The following OXR1 variants were observed in gnomAD, a reference collection of about 807,000 sequenced individuals.
The protein encoded by OXR1 is oxidation resistance 1, also known as oxidation resistance protein 1.
Under a neutral mutation model 104.6 loss-of-function variants are expected in OXR1, and 41 were observed. That is an observed-to-expected ratio of 0.39 (90% CI 0.31 to 0.51). The LOEUF is 0.51. OXR1 is among the 20% of genes least tolerant of loss of function. The probability of loss-of-function intolerance (pLI) is 0.77; values close to 1 mark genes in which losing one functional copy is unlikely to be tolerated. For synonymous variants in OXR1, 348 were observed against 348.4 expected (o/e 1.00, Z 0.01); for missense variants, 955 against 1,031.9 (o/e 0.93, Z 1.02).
rs913587870 is a variant in OXR1, at chr8:106,413,723, A to AC, written c.23+54088dup. ...TTAATATATAGCTAATGCTGTATCT[A>AC]CTTTTTTTTTTTTTTTTTGAGACAA... is the stretch of plus-strand genomic sequence containing the variant. On this transcript the variant is annotated intron_variant, in intron 2 of 16. Coordinates refer to ENST00000517566, the MANE Select transcript of OXR1 (RefSeq NM_001198533.2). 6.9e-4 allele frequency among the ~76,000 whole-genome samples: 101 copies of AC among 145,674 alleles called. No homozygotes were observed. In the East Asian group the frequency reaches 0.012, roughly 17 times the overall value.
intron 11 of OXR1, among the ~76,000 whole-genome samples, chr8:106,734,832 C>T (rs1834224300): frequency 6.6e-6 from 1 of 152,146 alleles, no homozygotes; most frequent in Non-Finnish European, 1.5e-5. Context: ...GAGTATAGGT[C>T]ATGGTACTTA....
At chr8:106,747,880 G>A (rs1332034303) in intron 16 of OXR1, among the ~76,000 whole-genome samples, 2 of 152,154 alleles carry the variant, frequency 1.3e-5, no homozygotes, top group African/African-American at 2.4e-5. Flanking sequence ...CATGAATCTT[G>A]AAGGTCAATT....
At chr8:106,660,597 T>G (rs935421293) in intron 3 of OXR1, among the ~76,000 whole-genome samples, 53 of 152,210 alleles carry the variant, frequency 3.5e-4, no homozygotes, top group African/African-American at 1.3e-3. Context: ...TTTCTGTTCC[T>G]TCTCACAACC....
At chr8:106,576,481 A>AAG (rs1554596956) in intron 3 of OXR1, among the ~76,000 whole-genome samples, 6 of 149,652 alleles carry the variant, frequency 4.0e-5, no homozygotes, top group African/African-American at 7.4e-5. Context: ...AAAAAAAAAA[A>AAG]AAAAGAAAAC....
chr8:106,324,679 C>T (rs1814389066), intron 1 of OXR1, among the ~76,000 whole-genome samples: 1 of 152,014 alleles, frequency 6.6e-6, no homozygotes, highest in Non-Finnish European at 1.5e-5. Context: ...CCACCCACTG[C>T]TGCGGATGCT....
intron 1 of OXR1, among the ~76,000 whole-genome samples, chr8:106,353,906 T>G (rs1815848826): frequency 6.6e-6 from 1 of 152,172 alleles, no homozygotes; most frequent in Non-Finnish European, 1.5e-5. Context: ...ACCTCCAGCC[T>G]GCCGCCCCTA....
intron 2 of OXR1, among the ~76,000 whole-genome samples, chr8:106,500,061 A>G (rs1463700379): frequency 6.6e-6 from 1 of 152,224 alleles, no homozygotes; most frequent in Non-Finnish European, 1.5e-5. Flanking sequence ...TGCTGTATGG[A>G]TTTTTGTGCT....
At chr8:106,694,487 GAT>G (rs199934743) in intron 7 of OXR1, among the ~76,000 whole-genome samples, 1 of 123,478 alleles carries the variant, frequency 8.1e-6, no homozygotes, top group East Asian at 2.4e-4. Flanking sequence ...ATATATATTT[GAT>G]ATATAAATAT....
chr8:106,712,793 G>A (rs1194731106), intron 10 of OXR1, among the ~76,000 whole-genome samples: 1 of 151,926 alleles, frequency 6.6e-6, no homozygotes, highest in Non-Finnish European at 1.5e-5. Context: ...ATATTCAAAC[G>A]TTCCAGTGAT....
chr8:106,681,424 A>G (rs1481869319), intron 4 of OXR1, among the ~76,000 whole-genome samples: 2 of 152,224 alleles, frequency 1.3e-5, no homozygotes, highest in African/African-American at 2.4e-5. Context: ...GAAAATATGT[A>G]TATTATTGTT....
intron 2 of OXR1, among the ~76,000 whole-genome samples, chr8:106,404,649 C>T (rs766824054): frequency 2.6e-5 from 4 of 151,788 alleles, no homozygotes; most frequent in Non-Finnish European, 4.4e-5. Context: ...GCCAAACTTA[C>T]TATGTTTGTT....
At position 106,702,891 on chromosome 8, in the gene OXR1, CT is replaced by C; in HGVS notation, c.676-9del. 1 of 1,588,818 alleles carries C rather than the reference CT, an allele frequency of 6.3e-7. No homozygotes were observed. The highest frequency in any genetic ancestry group is 8.6e-7 in the Non-Finnish European group (1 of 1,165,532). On this transcript the variant is annotated splice_polypyrimidine_tract_variant and intron_variant, in intron 7 of 16. Coordinates refer to ENST00000517566, the MANE Select transcript of OXR1 (RefSeq NM_001198533.2). ...AACCTTGAGGATTAAATGTTACTTT[CT>C]TTTTTCACCTTAGGGCACAGTCAGT...
intron 1 of OXR1, among the ~76,000 whole-genome samples, chr8:106,332,430 T>C (rs1018768571): frequency 6.6e-6 from 1 of 152,162 alleles, no homozygotes; most frequent in Non-Finnish European, 1.5e-5. Flanking sequence ...AAGTAACTTA[T>C]TGGTTGGAAA....
intron 1 of OXR1, 91 bp from the exon 2 acceptor site, chr8:106,359,385 A>C (rs376954571): frequency 3.5e-5 from 18 of 514,688 alleles, no homozygotes; most frequent in African/African-American, 3.2e-4. Flanking sequence ...ATCTTATACC[A>C]TGACAAAACC....
At chr8:106,531,621 T>G (rs1344074706) in intron 3 of OXR1, among the ~76,000 whole-genome samples, 1 of 152,156 alleles carries the variant, frequency 6.6e-6, no homozygotes, top group Non-Finnish European at 1.5e-5. Context: ...ATTTATTGAG[T>G]GTCTTACAGG....
chr8:106,351,621 TG>T (rs542785130), intron 1 of OXR1, among the ~76,000 whole-genome samples: 2 of 152,048 alleles, frequency 1.3e-5, no homozygotes, highest in Non-Finnish European at 2.9e-5. Context: ...AGGGTCTCAG[TG>T]AGAGAAGGTG....
At chr8:106,463,986 A>T (rs765114331) in intron 2 of OXR1, among the ~76,000 whole-genome samples, 4 of 152,084 alleles carry the variant, frequency 2.6e-5, no homozygotes, top group Non-Finnish European at 5.9e-5. Context: ...AGATCGTTCC[A>T]ATTGCAGAAT....
intron 2 of OXR1, among the ~76,000 whole-genome samples, chr8:106,401,857 A>G (rs1818015942): frequency 6.6e-6 from 1 of 152,182 alleles, no homozygotes; most frequent in African/African-American, 2.4e-5. Flanking sequence ...CATCAATGTA[A>G]TGAACCAGCA....
At chr8:106,566,963 C>CG (rs1450645596) in intron 3 of OXR1, among the ~76,000 whole-genome samples, 1 of 151,690 alleles carries the variant, frequency 6.6e-6, no homozygotes, top group Non-Finnish European at 1.5e-5. Flanking sequence ...TGGGGCCTGT[C>CG]GGGGGTTGGA....
Sources: allele counts gnomAD v4.1 joint callset (sites outside exome capture counted in the v4.1 genomes callset), GRCh38; gene constraint gnomAD v4.1.1; transcripts MANE v1.5; gene names NCBI Gene and HGNC (gene_info 2026-07-23, HGNC 2026-07-21).